Variants in LCLAT1 observed in about 807,000 individuals in gnomAD.
LCLAT1 encodes 1-AGP acyltransferase 8.
A neutral mutation model predicts 30.7 loss-of-function variants in LCLAT1; 11 were observed. The ratio of observed to expected loss-of-function variants is 0.36; its 90% CI spans 0.23 to 0.59. The LOEUF (loss-of-function observed/expected upper bound fraction) is 0.59, where lower values mean the gene tolerates loss of function less well. Ranked by LOEUF, LCLAT1 falls within the 20% of genes least tolerant of loss-of-function variation. The pLI is 0.77. For missense variants in LCLAT1, 402 were observed against 458.6 expected (o/e 0.88, Z 1.13); for synonymous variants, 155 against 151.3 (o/e 1.02, Z -0.18).
At chr2:30,584,043 G>C (rs558633836) in intron 5 of LCLAT1, among the ~76,000 whole-genome samples, 2 of 152,020 alleles carry the variant, frequency 1.3e-5, no homozygotes, top group East Asian at 3.9e-4. Context: ...CCTCTCAGCA[G>C]GCCCTGGTGT....
intron 5 of LCLAT1, among the ~76,000 whole-genome samples, chr2:30,634,658 G>T (rs1035350690): frequency 6.6e-6 from 1 of 152,160 alleles, no homozygotes; most frequent in Non-Finnish European, 1.5e-5. Context: ...TTTAAAAATG[G>T]CTTTTACTGG....
intron 3 of LCLAT1, among the ~76,000 whole-genome samples, chr2:30,546,683 A>T (rs916104667): frequency 3.3e-5 from 5 of 152,216 alleles, no homozygotes; most frequent in Non-Finnish European, 5.9e-5. Context: ...CATGTTAGCC[A>T]CAAAGAATAG....
intron 1 of LCLAT1, among the ~76,000 whole-genome samples, chr2:30,460,334 A>T (rs1016130263): frequency 1.3e-5 from 2 of 152,128 alleles, no homozygotes; most frequent in African/African-American, 4.8e-5. Context: ...TCCCATATTC[A>T]GTTACCTGCC....
chr2:30,458,691 G>T (rs943600352), intron 1 of LCLAT1, among the ~76,000 whole-genome samples: 3 of 152,160 alleles, frequency 2.0e-5, no homozygotes, highest in Non-Finnish European at 4.4e-5. Flanking sequence ...TGAGTCTGAA[G>T]AAAGGATACT....
intron 5 of LCLAT1, among the ~76,000 whole-genome samples, chr2:30,619,310 A>G (rs1448666639): frequency 6.6e-6 from 1 of 152,168 alleles, no homozygotes; most frequent in Admixed American, 6.5e-5. Flanking sequence ...TATGAAACTT[A>G]CTTCCCCACA....
chr2:30,629,481 A>G (rs1251852642), intron 5 of LCLAT1, among the ~76,000 whole-genome samples: 2 of 152,032 alleles, frequency 1.3e-5, no homozygotes, highest in African/African-American at 4.8e-5. Context: ...AATCGCTTGA[A>G]CCCGGGAAGT....
At chr2:30,488,023 G>T (rs1683645277) in intron 1 of LCLAT1, among the ~76,000 whole-genome samples, 1 of 152,218 alleles carries the variant, frequency 6.6e-6, no homozygotes, top group South Asian at 2.1e-4. Flanking sequence ...ACTTTTAAAT[G>T]TGTGGATTTT....
Position 30,568,050 on chromosome 2 carries a change from T to C in LCLAT1, c.512-10T>C. 1 of 1,393,526 alleles carries C rather than the reference T, an allele frequency of 7.2e-7. No homozygotes were observed. The highest frequency in any genetic ancestry group is 1.0e-6 in the Non-Finnish European group (1 of 989,388). The allele number at this position is 1,393,526 out of a possible 1,614,324, so 86.3% of individuals were successfully genotyped here. The stretch of plus-strand genomic sequence containing the variant: ...GTTTATGATTTATAATGGTCCATTG[T>C]TTTGTTTAGAAAACAGCAAGTCTCG... On this transcript the variant is annotated splice_polypyrimidine_tract_variant and intron_variant, in intron 4 of 5. Coordinates refer to ENST00000379509, the MANE Select transcript of LCLAT1 (RefSeq NM_001002257.3).
chr2:30,473,782 A>G (rs1682915622), intron 1 of LCLAT1, among the ~76,000 whole-genome samples: 1 of 152,154 alleles, frequency 6.6e-6, no homozygotes, highest in South Asian at 2.1e-4. Context: ...TGTCTTCACC[A>G]TTATCTGCAG....
At chr2:30,547,529 A>C (rs1267362627) in intron 3 of LCLAT1, among the ~76,000 whole-genome samples, 4 of 152,128 alleles carry the variant, frequency 2.6e-5, no homozygotes, top group African/African-American at 4.8e-5. Flanking sequence ...CAGTCTAACC[A>C]AAGGGTCTTA....
At chr2:30,583,256 A>C (rs72858978) in intron 5 of LCLAT1, among the ~76,000 whole-genome samples, 1 of 152,166 alleles carries the variant, frequency 6.6e-6, no homozygotes, top group African/African-American at 2.4e-5. Context: ...AGATGCATCT[A>C]TTGCCTCTTT....
At chr2:30,625,374 A>G (rs1051187446) in intron 5 of LCLAT1, among the ~76,000 whole-genome samples, 3 of 152,188 alleles carry the variant, frequency 2.0e-5, no homozygotes, top group Admixed American at 2.0e-4. Context: ...AGATCCAAAT[A>G]AGCTCAGTTA....
Position 30,569,086 on chromosome 2 carries a change from A to G in LCLAT1, c.628+910A>G, listed in dbSNP as rs553530927. Among the ~76,000 whole-genome samples, 9 of 152,296 alleles carry G rather than the reference A, an allele frequency of 5.9e-5. No homozygotes were observed. The East Asian group carries it at 1.4e-3, about 23-fold the overall frequency. ...TACCTCTACTATTTTATAGTTAAAT[A>G]GAACTGGCATCCAGTGCGGTAAGTA... On this transcript the variant is annotated intron_variant, in intron 5 of 5. Transcript: ENST00000379509.
intron 1 of LCLAT1, among the ~76,000 whole-genome samples, chr2:30,467,853 G>A (rs1172888859): frequency 6.6e-6 from 1 of 152,172 alleles, no homozygotes; most frequent in Non-Finnish European, 1.5e-5. Flanking sequence ...TTTGTCAGAT[G>A]AGTAGATGGC....
chr2:30,542,780 T>C (rs899363243), intron 3 of LCLAT1, among the ~76,000 whole-genome samples: 2 of 152,174 alleles, frequency 1.3e-5, no homozygotes, highest in African/African-American at 4.8e-5. Flanking sequence ...TTTAAGTTTT[T>C]ACTTTCCAAT....
chr2:30,538,952 C>T (rs550699961), intron 3 of LCLAT1, among the ~76,000 whole-genome samples: 1 of 151,482 alleles, frequency 6.6e-6, no homozygotes, highest in Non-Finnish European at 1.5e-5. Context: ...CTACCAACTT[C>T]CCCCAACCTC....
Position 30,610,425 on chromosome 2 carries a change from C to T in LCLAT1, c.629-29692C>T, listed in dbSNP as rs79312161. On this transcript the variant is annotated intron_variant, in intron 5 of 5. Coordinates refer to ENST00000379509, the MANE Select transcript of LCLAT1 (RefSeq NM_001002257.3). ...TTAAATCTCCTTCTGATTAAGATAG[C>T]TCCATAAGTACAGACTGATTTAATT... Among the ~76,000 whole-genome samples the T allele has an allele frequency of 6.6e-3, 1,007 of 152,206 alleles. 10 individuals are homozygous for T. The highest frequency in any genetic ancestry group is 0.023 in the African/African-American group (956 of 41,556).
chr2:30,504,583 G>A (rs772052279), intron 1 of LCLAT1, among the ~76,000 whole-genome samples: 4 of 152,118 alleles, frequency 2.6e-5, no homozygotes, highest in Non-Finnish European at 4.4e-5. Context: ...AGGGGTATGG[G>A]TTGTTTCTAC....
At chr2:30,455,742 A>T (rs1681799405) in intron 1 of LCLAT1, among the ~76,000 whole-genome samples, 1 of 151,790 alleles carries the variant, frequency 6.6e-6, no homozygotes, top group African/African-American at 2.4e-5. Context: ...CCCTGACTCT[A>T]TAAAAAAAAA....
Sources: allele counts gnomAD v4.1 joint callset (sites outside exome capture counted in the v4.1 genomes callset), GRCh38; gene constraint gnomAD v4.1.1; transcripts MANE v1.5; gene names NCBI Gene and HGNC (gene_info 2026-07-23, HGNC 2026-07-21).